The following STXBP5L variants were observed in gnomAD, a reference collection of about 807,000 sequenced individuals.
STXBP5L encodes syntaxin binding protein 5L, also known as syntaxin-binding protein 5-like.
Under a neutral mutation model 144.5 loss-of-function variants are expected in STXBP5L, and 65 were observed. That is an observed-to-expected ratio of 0.45 (90% CI 0.37 to 0.55). The LOEUF is 0.55. Ranked by LOEUF, STXBP5L falls within the 20% of genes least tolerant of loss-of-function variation. The probability of loss-of-function intolerance (pLI) is 0.00; values close to 1 mark genes in which losing one functional copy is unlikely to be tolerated. For synonymous variants in STXBP5L, 505 were observed against 469.6 expected (o/e 1.08, Z -0.97); for missense variants, 1,298 against 1,405.5 (o/e 0.92, Z 1.22).
rs564470679 is a variant in STXBP5L, at chr3:121,320,847, C to T, written c.2176+2307C>T. On this transcript the variant is annotated intron_variant, in intron 20 of 26. Coordinates refer to ENST00000471454, the MANE Select transcript of STXBP5L (RefSeq NM_001308330.2). ...TCCCAAGTAGCTGGGACTACAGGAGCGTGTCACACACCCAGCTGATTTTTT... is the reference window on the plus strand; with the variant it reads ...TCCCAAGTAGCTGGGACTACAGGAGTGTGTCACACACCCAGCTGATTTTTT... 8.6e-5 allele frequency among the ~76,000 whole-genome samples: 13 copies of T among 152,008 alleles called. No homozygotes were observed. The South Asian group carries it at 2.5e-3, about 29-fold the overall frequency.
intron 17 of STXBP5L, among the ~76,000 whole-genome samples, chr3:121,258,683 A>T (rs551218058): frequency 1.3e-5 from 2 of 152,162 alleles, no homozygotes; most frequent in Non-Finnish European, 2.9e-5. Flanking sequence ...GGGTAGGTTA[A>T]TGGTCATTTG....
chr3:121,110,960 A>G (rs1292225734), intron 5 of STXBP5L, among the ~76,000 whole-genome samples: 1 of 151,502 alleles, frequency 6.6e-6, no homozygotes, highest in Non-Finnish European at 1.5e-5. Context: ...TCCTAATCTT[A>G]TCTGCCTGTC....
intron 2 of STXBP5L, among the ~76,000 whole-genome samples, chr3:120,942,240 C>T (rs1710602502): frequency 6.6e-6 from 1 of 151,594 alleles, no homozygotes; most frequent in African/African-American, 2.4e-5. Context: ...CAAATAATTA[C>T]TTCTTGAATA....
intron 10 of STXBP5L, among the ~76,000 whole-genome samples, chr3:121,213,481 ATTAG>A (rs1227304425): frequency 6.6e-6 from 1 of 151,916 alleles, no homozygotes; most frequent in Non-Finnish European, 1.5e-5. Flanking sequence ...GGTTTTTGTC[ATTAG>A]TTAGTTCTAT....
intron 3 of STXBP5L, among the ~76,000 whole-genome samples, chr3:120,992,864 T>C (rs188128190): frequency 5.3e-5 from 8 of 152,274 alleles, no homozygotes; most frequent in Non-Finnish European, 7.4e-5. Flanking sequence ...TTTAGCTTTT[T>C]GAGGAACCTT....
intron 3 of STXBP5L, among the ~76,000 whole-genome samples, chr3:120,974,590 T>C (rs1382784067): frequency 6.6e-6 from 1 of 152,222 alleles, no homozygotes; most frequent in East Asian, 1.9e-4. Context: ...CCATTGCTTT[T>C]GGTGTTTTAG....
intron 20 of STXBP5L, among the ~76,000 whole-genome samples, chr3:121,339,403 G>A (rs2044625806): frequency 1.3e-5 from 2 of 151,906 alleles, no homozygotes; most frequent in Admixed American, 1.3e-4. Flanking sequence ...AGATATAGAA[G>A]GAACATATCT....
chr3:121,159,281 A>C (rs1476522685), intron 9 of STXBP5L, among the ~76,000 whole-genome samples: 1 of 151,960 alleles, frequency 6.6e-6, no homozygotes, highest in Non-Finnish European at 1.5e-5. Flanking sequence ...TTGACCCATT[A>C]GTTATTTAGA....
chr3:121,201,253 C>T (rs1212752265), intron 9 of STXBP5L, among the ~76,000 whole-genome samples: 1 of 152,166 alleles, frequency 6.6e-6, no homozygotes. Context: ...GCATTGATCC[C>T]TTTACCATTA....
intron 14 of STXBP5L, among the ~76,000 whole-genome samples, chr3:121,246,471 T>A (rs952702437): frequency 6.6e-6 from 1 of 152,222 alleles, no homozygotes; most frequent in Non-Finnish European, 1.5e-5. Context: ...ATATTAAATC[T>A]ATGTTACATA....
chr3:121,227,171 C>G (rs1276982764), intron 11 of STXBP5L, among the ~76,000 whole-genome samples: 1 of 151,990 alleles, frequency 6.6e-6, no homozygotes, highest in Non-Finnish European at 1.5e-5. Flanking sequence ...GATACTTTAC[C>G]AAAATATTGC....
chr3:121,014,270 A>G (rs966774562), intron 3 of STXBP5L, among the ~76,000 whole-genome samples: 25 of 152,080 alleles, frequency 1.6e-4, no homozygotes, highest in Admixed American at 6.6e-5. Context: ...ATCCATGAAT[A>G]TAGAATGCTT....
At chr3:121,027,913 C>T (rs1030175078) in intron 3 of STXBP5L, among the ~76,000 whole-genome samples, 5 of 152,044 alleles carry the variant, frequency 3.3e-5, no homozygotes, top group South Asian at 4.1e-4. Flanking sequence ...CCTCAGCTCT[C>T]AGCTATTAGT....
At chr3:121,103,849 C>G (rs914572859) in intron 5 of STXBP5L, among the ~76,000 whole-genome samples, 2 of 152,086 alleles carry the variant, frequency 1.3e-5, no homozygotes, top group Admixed American at 1.3e-4. Flanking sequence ...TAACAGTCTT[C>G]AAAACAAAGT....
intron 2 of STXBP5L, among the ~76,000 whole-genome samples, chr3:120,934,381 T>G (rs1031681751): frequency 6.6e-6 from 1 of 152,114 alleles, no homozygotes; most frequent in Admixed American, 6.6e-5. Flanking sequence ...GTTTCTATTC[T>G]TTTAAATTTG....
chr3:121,083,439 A>G (rs894549232), intron 5 of STXBP5L, among the ~76,000 whole-genome samples: 2 of 152,036 alleles, frequency 1.3e-5, no homozygotes, highest in Non-Finnish European at 2.9e-5. Context: ...AGGTGGGCAG[A>G]TCACTTGAGG....
intron 7 of STXBP5L, among the ~76,000 whole-genome samples, chr3:121,123,888 A>G (rs778932792): frequency 1.3e-5 from 2 of 151,650 alleles, no homozygotes; most frequent in Non-Finnish European, 3.0e-5. Context: ...ATGCAGTTTT[A>G]TCAGTCTTTT....
chr3:121,315,039 A>C (rs1470993716), intron 19 of STXBP5L, among the ~76,000 whole-genome samples: 5 of 152,288 alleles, frequency 3.3e-5, no homozygotes, highest in African/African-American at 1.2e-4. Flanking sequence ...TGTTGGTGGG[A>C]CTGTAAACTA....
intron 3 of STXBP5L, among the ~76,000 whole-genome samples, chr3:121,020,519 C>T (rs1288462046): frequency 3.9e-5 from 6 of 152,126 alleles, no homozygotes; most frequent in Admixed American, 3.9e-4. Context: ...GCAAAAGCAT[C>T]AAGTAACCTA....
Sources: gnomAD v4.1 joint callset for allele counts (sites outside exome capture counted in the v4.1 genomes callset) on GRCh38, gnomAD v4.1.1 for gene constraint, MANE v1.5 for transcripts, NCBI Gene and HGNC (gene_info 2026-07-23, HGNC 2026-07-21) for gene names.